PCYT2: variants seen among roughly 807,000 people sequenced by gnomAD.
The protein encoded by PCYT2 is phosphate cytidylyltransferase 2, ethanolamine.
In PCYT2, 33 loss-of-function variants were observed where a neutral mutation model predicts 50.0. That is an observed-to-expected ratio of 0.66 (90% CI 0.50 to 0.88). The LOEUF is 0.88. Among genes scored for constraint, PCYT2 ranks in the 40% least tolerant of loss-of-function variants. The pLI, the probability that PCYT2 is intolerant of heterozygous loss-of-function variation, is 0.00. For synonymous variants in PCYT2, 240 were observed against 203.7 expected (o/e 1.18, Z -1.52); for missense variants, 430 against 519.7 (o/e 0.83, Z 1.68).
chr17:81,902,192 C>G lies in PCYT2; in HGVS notation c.*2641G>C. The G allele has an allele frequency of 8.6e-7, 1 of 1,163,790 alleles. No homozygotes were observed. The highest frequency in any genetic ancestry group is 4.3e-5 in the South Asian group (1 of 23,254). The allele number at this position is 1,163,790 out of a possible 1,614,324, so 72.1% of individuals were successfully genotyped here. A position where few individuals can be genotyped will look rare whatever the true frequency, so the allele number is the denominator to read the frequency against. ...CCCTCCCGGCCCTCCGCAGCCTCGG[C>G]CCGCCCTCGCCGCAGATATAAGGCG... On this transcript the variant is annotated 3_prime_UTR_variant, in exon 13 of 13. Coordinates refer to ENST00000538936, the MANE Select transcript of PCYT2 (RefSeq NM_002861.5).
chr17:81,911,214 C>T (rs2040587228), intron 1 of PCYT2, 53 bp downstream of exon 1: 2 of 1,023,762 alleles, frequency 2.0e-6, no homozygotes, highest in Non-Finnish European at 2.3e-6. Flanking sequence ...CGCGGCGCCC[C>T]GGAAGGAAGC....
intron 3 of PCYT2, 38 bp downstream of exon 3, chr17:81,908,838 A>T: frequency 6.4e-7 from 1 of 1,566,102 alleles, no homozygotes; most frequent in South Asian, 1.1e-5. Flanking sequence ...GAGCCACCTG[A>T]TGTCCCCAGG....
Position 81,907,616 on chromosome 17 carries a change from G to A in PCYT2, c.493-18C>T, listed in dbSNP as rs745655333. 13 of 1,610,774 alleles carry A rather than the reference G, an allele frequency of 8.1e-6. No individual in the cohort carries two copies. In the Admixed American group the frequency reaches 1.2e-4, roughly 15 times the overall value. ...GACATCTCCTGCACAGAAGGTCAGA[G>A]CAGGGCTGAGGGGCCTGCCCTCCCG... On this transcript the variant is annotated intron_variant, in intron 5 of 12. Coordinates refer to ENST00000538936, the MANE Select transcript of PCYT2 (RefSeq NM_002861.5).
chr17:81,907,480 G>A (rs1303440306), intron 6 of PCYT2, 74 bp downstream of exon 6: 14 of 1,488,810 alleles, frequency 9.4e-6, no homozygotes, highest in African/African-American at 1.4e-5. Flanking sequence ...TTTCCCCAAG[G>A]GATGGCTGGG....
Position 81,908,699 on chromosome 17 carries a change from G to T in PCYT2, c.341-65C>A. 7 of 1,455,416 alleles carry T rather than the reference G, an allele frequency of 4.8e-6. No homozygotes were observed. The South Asian group carries it at 5.7e-5, about 12-fold the overall frequency. The allele number at this position is 1,455,416 out of a possible 1,614,324, so 90.2% of individuals were successfully genotyped here. ...AGCCACCAGAACCTTCAGAGCCCAG[G>T]ACCCTCTCGGCCCCTGGCCTGCCCT... is the stretch of plus-strand genomic sequence containing the variant. On this transcript the variant is annotated intron_variant, in intron 3 of 12. Coordinates refer to ENST00000538936, the MANE Select transcript of PCYT2 (RefSeq NM_002861.5).
intron 5 of PCYT2, 49 bp downstream of exon 5, chr17:81,907,724 C>T: frequency 6.2e-7 from 1 of 1,601,192 alleles, no homozygotes; most frequent in Non-Finnish European, 8.5e-7. Context: ...CCCTCCTTTC[C>T]CCTGGAGACC....
intron 2 of PCYT2, 158 bp from the exon 3 acceptor site, chr17:81,909,195 G>A: frequency 6.9e-7 from 1 of 1,448,276 alleles, no homozygotes. Context: ...TGGCCAACTG[G>A]GTGGCTCTCT....
At chr17:81,905,896 A>G in intron 9 of PCYT2, 161 bp from the exon 10 acceptor site, 1 of 794,616 alleles carries the variant, frequency 1.3e-6, no homozygotes, top group Non-Finnish European at 2.1e-6. Context: ...TCCATGAGAC[A>G]AGAAGGAACA....
intron 10 of PCYT2, 73 bp from the exon 11 acceptor site, chr17:81,905,520 C>G: frequency 6.8e-7 from 1 of 1,480,758 alleles, no homozygotes; most frequent in Non-Finnish European, 9.3e-7. Context: ...CCAGCACAGG[C>G]CCCGGGGGTT....
At chr17:81,906,044 G>T in intron 9 of PCYT2, 56 bp downstream of exon 9, 1 of 1,483,222 alleles carries the variant, frequency 6.7e-7, no homozygotes, top group East Asian at 2.3e-5. Context: ...CCTTAGTAGG[G>T]GGGATGTTGT....
Position 81,902,069 on chromosome 17 carries a change from C to A in PCYT2, c.*2764G>T, listed in dbSNP as rs2039970753. ...GCTCCCACCAAGCGCCAGATCCTTG[C>A]GCGCCTCCAGCGCTCGCCCGCGCGG... On this transcript the variant is annotated 3_prime_UTR_variant, in exon 13 of 13. Transcript: ENST00000538936. 3.1e-6 allele frequency: 1 copy of A among 325,788 alleles called. No individual in the cohort carries two copies. The highest frequency in any genetic ancestry group is 5.3e-6 in the Non-Finnish European group (1 of 189,674). 20.2% of individuals were successfully genotyped at this position (325,788 alleles called of 1,614,324 possible).
In PCYT2 at chr17:81,901,190, G is replaced by A. The variant is rs1177058652; in HGVS notation, c.*3643C>T. 2 of 152,202 alleles carry A rather than the reference G, an allele frequency of 1.3e-5. No homozygotes were observed. The highest frequency in any genetic ancestry group is 1.9e-4 in the East Asian group (1 of 5,196). 9.4% of individuals were successfully genotyped at this position (152,202 alleles called of 1,614,324 possible). A position where few individuals can be genotyped will look rare whatever the true frequency, so the allele number is the denominator to read the frequency against. On this transcript the variant is annotated 3_prime_UTR_variant, in exon 13 of 13. Coordinates refer to ENST00000538936, the MANE Select transcript of PCYT2 (RefSeq NM_002861.5). ...AAAGCTGAAGAACCTGGAGGCCGACGTGCGAGGGCGGGAAGCATCCAGCAT... is the reference window on the plus strand; with the variant it reads ...AAAGCTGAAGAACCTGGAGGCCGACATGCGAGGGCGGGAAGCATCCAGCAT...
Position 81,905,715 on chromosome 17 carries a change from A to G in PCYT2, c.858T>C (p.Ile286=), listed in dbSNP as rs1348630623. The change falls in exon 10 of 13, where the codon ATT becomes ATC. Residue 286 remains isoleucine, a synonymous_variant. Transcript: ENST00000538936. ...CTGCTGTGACCGCGTACGGGGCTCC[A>G]ATCACCACTTCTGACACGTACTGTG... The part of the protein sequence containing the change: ...LACRYVSEVV[I]GAPYAVTAEL... 6.2e-7 allele frequency: 1 copy of G among 1,613,616 alleles called. No homozygotes were observed. Among genetic ancestry groups the G allele is most frequent in the Non-Finnish European group, 8.5e-7 (1 of 1,179,972 alleles).
rs1031108867 is a variant in PCYT2 at position 81,906,102 on chromosome 17, G to A, written c.835C>T (p.Arg279Trp). 24 of 1,609,844 alleles carry A rather than the reference G, an allele frequency of 1.5e-5. No homozygotes were observed. Among genetic ancestry groups the A allele is most frequent in the African/African-American group, 2.7e-5 (2 of 74,824 alleles). Residue 279 changes from arginine to tryptophan, a missense_variant and splice_region_variant, in exon 9 of 13, where the codon CGG (arginine) becomes TGG (tryptophan). Transcript: ENST00000538936. ...GCTGGCTCCTGGCCCCCACTCACCCGGCAGGCCAGCACGCTCAGAGTCCGT... is the reference window on the plus strand; with the variant it reads ...GCTGGCTCCTGGCCCCCACTCACCCAGCAGGCCAGCACGCTCAGAGTCCGT... ...HERTLSVLAC[R>W]YVSEVVIGAP...
chr17:81,906,665 C>T, intron 7 of PCYT2, 95 bp downstream of exon 7: 1 of 1,584,146 alleles, frequency 6.3e-7, no homozygotes. Context: ...TGCAAACCAG[C>T]CAGCCCAGTC....
chr17:81,908,174 G>A (rs1256178920), intron 4 of PCYT2, among the ~76,000 whole-genome samples: 6 of 149,526 alleles, frequency 4.0e-5, no homozygotes, highest in South Asian at 2.1e-4. Flanking sequence ...TCACACCCAC[G>A]TCCTGCCCGC....
At chr17:81,906,055 G>A (rs369380427) in intron 9 of PCYT2, 45 bp downstream of exon 9, 36 of 1,537,120 alleles carry the variant, frequency 2.3e-5, no homozygotes, top group Non-Finnish European at 3.1e-5. Flanking sequence ...GGGATGTTGT[G>A]GGAATGTCTC....
At position 81,902,729 on chromosome 17, in the gene PCYT2, C is replaced by T; in HGVS notation, c.*2104G>A. On this transcript the variant is annotated 3_prime_UTR_variant, in exon 13 of 13. Coordinates refer to ENST00000538936, the MANE Select transcript of PCYT2 (RefSeq NM_002861.5). Reference sequence around the variant, plus strand: ...AACGTCTTCCTGTCCCTGCGCGCAGCCGACTGCCTCGCCGCCTGAGCCCGG... The same window carrying T: ...AACGTCTTCCTGTCCCTGCGCGCAGTCGACTGCCTCGCCGCCTGAGCCCGG... 6.2e-7 allele frequency: 1 copy of T among 1,607,542 alleles called. No individual in the cohort carries two copies. Among genetic ancestry groups the T allele is most frequent in the Non-Finnish European group, 8.5e-7 (1 of 1,178,176 alleles).
chr17:81,909,374 C>A, intron 2 of PCYT2, 140 bp downstream of exon 2: 1 of 1,438,528 alleles, frequency 7.0e-7, no homozygotes, highest in Non-Finnish European at 9.3e-7. Context: ...TCAGCTGGGG[C>A]TGGGCTGGGT....
Sources: allele counts gnomAD v4.1 joint callset (sites outside exome capture counted in the v4.1 genomes callset), GRCh38; gene constraint gnomAD v4.1.1; transcripts MANE v1.5; gene names NCBI Gene and HGNC (gene_info 2026-07-23, HGNC 2026-07-21).